PAK3: variants seen among roughly 807,000 people sequenced by gnomAD.
PAK3 encodes p21 (RAC1) activated kinase 3.
A neutral mutation model predicts 41.0 loss-of-function variants in PAK3; 4 were observed. The observed-to-expected ratio is 0.10, with a 90% CI of 0.05 to 0.22. The LOEUF is 0.22. PAK3 is among the 10% of genes least tolerant of loss of function. PAK3 has a pLI of 1.00. For missense variants in PAK3, 205 were observed against 409.9 expected (o/e 0.50, Z 4.32); for synonymous variants, 146 against 139.6 (o/e 1.05, Z -0.32).
chrX:111,192,074 T>C, intron 11 of PAK3, 53 bp from the exon 12 acceptor site: 1 of 727,177 alleles, frequency 1.4e-6, no homozygotes, highest in Non-Finnish European at 2.2e-6. Flanking sequence ...TCAAGTAAAA[T>C]ATATTGGTAA....
chrX:111,163,485 T>A, intron 9 of PAK3, 77 bp from the exon 10 acceptor site: 2 of 715,839 alleles, frequency 2.8e-6, no homozygotes, highest in Non-Finnish European at 4.4e-6. Flanking sequence ...TAAAAATTCA[T>A]TGATATTACA....
rs189380896 is a variant in PAK3, at chrX:110,976,879, G to A, written c.-28+32251G>A. ...AAGGACAGAAAACCAAACATCACAT[G>A]TTCTCACTCATAGGTGGGAATTGAA... On this transcript the variant is annotated intron_variant, in intron 1 of 14. Coordinates refer to the PAK3 transcript ENST00000425146. Among the ~76,000 whole-genome samples, 431 of 105,678 alleles carry A rather than the reference G, an allele frequency of 4.1e-3. 4 individuals carry two copies. The highest frequency in any genetic ancestry group is 0.015 in the African/African-American group (418 of 28,675). 91.8% of individuals were successfully genotyped at this position (105,678 alleles called of 115,157 possible).
intron 1 of PAK3, among the ~76,000 whole-genome samples, chrX:111,082,868 G>T (rs1220916796): frequency 1.8e-5 from 2 of 111,607 alleles, no homozygotes; most frequent in East Asian, 5.6e-4. Context: ...GTTTCTTAAA[G>T]TCAAGGAGCA....
upstream of PAK3, among the ~76,000 whole-genome samples, chrX:111,092,694 A>G (rs2092939186): frequency 8.9e-6 from 1 of 112,074 alleles, no homozygotes; most frequent in Non-Finnish European, 1.9e-5. Context: ...TTAAATATGT[A>G]CAACTTTTTA....
intron 11 of PAK3, among the ~76,000 whole-genome samples, chrX:111,179,311 A>C (rs1007404472): frequency 9.1e-6 from 1 of 110,114 alleles, no homozygotes; most frequent in Non-Finnish European, 1.9e-5. Context: ...ATTTATTCCT[A>C]GTCACAATTA....
At chrX:111,013,142 C>A (rs1232530188) in intron 1 of PAK3, among the ~76,000 whole-genome samples, 1 of 112,210 alleles carries the variant, frequency 8.9e-6, no homozygotes, top group African/African-American at 3.2e-5. Flanking sequence ...CATAAAATAT[C>A]TGTATCAAGA....
chrX:111,125,364 T>A (rs1244224540), intron 5 of PAK3, among the ~76,000 whole-genome samples: 1 of 111,395 alleles, frequency 9.0e-6, no homozygotes, highest in Non-Finnish European at 1.9e-5. Context: ...GGAAGTTGAA[T>A]CTGAAACTGT....
chrX:111,067,452 G>A (rs2092710121), intron 1 of PAK3, among the ~76,000 whole-genome samples: 1 of 111,470 alleles, frequency 9.0e-6, no homozygotes, highest in Admixed American at 9.6e-5. Context: ...ACACAGCTTG[G>A]ATGGAACCAA....
intron 1 of PAK3, among the ~76,000 whole-genome samples, chrX:111,073,109 A>T (rs957704567): frequency 1.8e-5 from 2 of 111,283 alleles, no homozygotes; most frequent in African/African-American, 6.5e-5. Flanking sequence ...CACAGGTACT[A>T]GTACCATCAG....
At chrX:111,202,307 G>A (rs1345865671) in intron 16 of PAK3, among the ~76,000 whole-genome samples, 1 of 111,292 alleles carries the variant, frequency 9.0e-6, no homozygotes, top group African/African-American at 3.3e-5. Context: ...CCTTTTAAAG[G>A]TCAGAGAGTT....
At chrX:111,017,789 AC>A (rs1191910281) in intron 1 of PAK3, among the ~76,000 whole-genome samples, 1 of 111,943 alleles carries the variant, frequency 8.9e-6, no homozygotes, top group Admixed American at 9.5e-5. Flanking sequence ...CTGCAAGAGA[AC>A]TACAGACCAA....
At chrX:111,178,090 G>T (rs2094425485) in intron 11 of PAK3, among the ~76,000 whole-genome samples, 1 of 110,921 alleles carries the variant, frequency 9.0e-6, no homozygotes, top group African/African-American at 3.3e-5. Context: ...CTCTATACTT[G>T]TGGTCCCCCT....
At position 110,999,882 on chromosome X, in the gene PAK3, C is replaced by T. The variant is rs12007544; in HGVS notation, c.-28+55254C>T. On this transcript the variant is annotated intron_variant, in intron 1 of 14. Transcript: ENST00000425146. ...CCAGCTACTTGGGAGGCACGAGAAT[C>T]GCTTGAACCAAGGGGGCGAAGGTTG... Among the ~76,000 whole-genome samples the T allele has an allele frequency of 8.8e-3, 972 of 110,922 alleles. 9 individuals are homozygous for T. The highest frequency in any genetic ancestry group is 0.03 in the African/African-American group (915 of 30,479).
intron 5 of PAK3, among the ~76,000 whole-genome samples, chrX:111,124,702 T>A (rs1469690360): frequency 9.0e-6 from 1 of 111,470 alleles, no homozygotes; most frequent in Non-Finnish European, 1.9e-5. Context: ...GGTGACCTCA[T>A]AATGAAACCC....
At chrX:111,063,925 C>A (rs1047715896) in intron 1 of PAK3, among the ~76,000 whole-genome samples, 1 of 111,462 alleles carries the variant, frequency 9.0e-6, no homozygotes, top group Admixed American at 9.5e-5. Flanking sequence ...ACCTCTACTG[C>A]TCAAGAAAGC....
At chrX:111,064,587 G>A (rs1420938205) in intron 1 of PAK3, among the ~76,000 whole-genome samples, 2 of 111,405 alleles carry the variant, frequency 1.8e-5, no homozygotes, top group Admixed American at 1.9e-4. Context: ...TTAAATAATG[G>A]TCTCCAGCTG....
intron 1 of PAK3, among the ~76,000 whole-genome samples, chrX:111,073,425 T>C (rs1392574648): frequency 1.8e-5 from 2 of 111,447 alleles, no homozygotes; most frequent in African/African-American, 3.3e-5. Flanking sequence ...AAAAGATCAA[T>C]AAAAGTAGGA....
chrX:111,133,766 T>G (rs2093751180), intron 5 of PAK3, among the ~76,000 whole-genome samples: 1 of 112,309 alleles, frequency 8.9e-6, no homozygotes, highest in Admixed American at 9.5e-5. Context: ...TATTTTGCTT[T>G]TAGCTTTCTG....
chrX:111,044,633 ATCAACGAGGTCTCC>A (rs2092480845), intron 1 of PAK3, among the ~76,000 whole-genome samples: 1 of 111,768 alleles, frequency 8.9e-6, no homozygotes, highest in African/African-American at 3.3e-5. Flanking sequence ...ACCATGAATG[ATCAACGAGGTCTCC>A]TCTGCCGTCT....
Sources: allele counts gnomAD v4.1 joint callset (sites outside exome capture counted in the v4.1 genomes callset), GRCh38; gene constraint gnomAD v4.1.1; transcripts MANE v1.5; gene names NCBI Gene and HGNC (gene_info 2026-07-23, HGNC 2026-07-21).